The following XPO7 variants were observed in gnomAD, a reference collection of about 807,000 sequenced individuals.
XPO7 encodes exportin-7.
In XPO7, 21 loss-of-function variants were observed where a neutral mutation model predicts 144.3. That is an observed-to-expected ratio of 0.15 (90% CI 0.10 to 0.21). The LOEUF is 0.21. Among genes scored for constraint, XPO7 ranks in the 10% least tolerant of loss-of-function variants. The probability of loss-of-function intolerance (pLI) is 1.00; values close to 1 mark genes in which losing one functional copy is unlikely to be tolerated. For synonymous variants in XPO7, 580 were observed against 499.6 expected (o/e 1.16, Z -2.15); for missense variants, 808 against 1,325.8 (o/e 0.61, Z 6.06).
Position 21,981,740 on chromosome 8 carries a change from G to A in XPO7, c.967G>A (p.Asp323Asn). The change falls in exon 10 of 28, where the codon GAC becomes AAC. Residue 323 changes from aspartate (D) to asparagine (N), a missense_variant. Asp to Asn is a conservative substitution (Grantham distance 23). Around this residue, in one of 5 missense-constraint regions of XPO7, gnomAD observed 223 missense variants for 368.8 expected, o/e 0.60. Transcript: ENST00000252512. ...CCTCTGCTACTGCCAGAGTTTATCA[G>A]ACCCAAACAATTACCATGAGTTTTG... ...RILENPQSLS[D>N]PNNYHEFCRL... The A allele has an allele frequency of 6.2e-7, 1 of 1,613,762 alleles. No individual in the cohort carries two copies. The highest frequency in any genetic ancestry group is 8.5e-7 in the Non-Finnish European group (1 of 1,179,778).
chr8:21,999,472 C>G lies in XPO7; in HGVS notation c.2644-64C>G, dbSNP rs367734055. Reference sequence around the variant, plus strand: ...TAAAAGGAGCTAAGCTATTTAAGATCGTCTCCCTGCATGCTGGAGTGCATA... The same window carrying G: ...TAAAAGGAGCTAAGCTATTTAAGATGGTCTCCCTGCATGCTGGAGTGCATA... On this transcript the variant is annotated intron_variant, in intron 23 of 27. Transcript: ENST00000252512. 5 of 1,599,996 alleles carry G rather than the reference C, an allele frequency of 3.1e-6. No individual in the cohort carries two copies. In the South Asian group the frequency reaches 3.3e-5, roughly 11 times the overall value.
rs1486667904 is a variant in XPO7 at position 21,982,736 on chromosome 8, A to G, written c.1201A>G (p.Met401Val). Residue 401 changes from methionine (M) to valine (V), a missense_variant, in exon 11 of 28, where the codon ATG becomes GTG. Met to Val is a conservative substitution (Grantham distance 21). Around this residue, in one of 5 missense-constraint regions of XPO7, gnomAD observed 416 missense variants for 612.5 expected, o/e 0.68. Coordinates refer to ENST00000252512, the MANE Select transcript of XPO7 (RefSeq NM_015024.5). ...GTATGTCAAAGCCACAGAGCCCCAC[A>G]TGCTGGAAACTTACACTCCTGAGGT... ...VPYVKATEPH[M>V]LETYTPEVTK... 6.2e-7 allele frequency: 1 copy of G among 1,613,974 alleles called. No individual in the cohort carries two copies. Among genetic ancestry groups the G allele is most frequent in the Non-Finnish European group, 8.5e-7 (1 of 1,179,876 alleles).
intron 6 of XPO7, among the ~76,000 whole-genome samples, chr8:21,975,774 CG>C (rs777478048): frequency 2.0e-5 from 3 of 152,170 alleles, no homozygotes; most frequent in Non-Finnish European, 2.9e-5. Flanking sequence ...CAGCCAGTCA[CG>C]GAGGCTCAGC....
intron 1 of XPO7, among the ~76,000 whole-genome samples, chr8:21,929,247 A>G (rs372313998): frequency 9.9e-5 from 15 of 152,226 alleles, no homozygotes; most frequent in East Asian, 7.7e-4. Context: ...AACCAAAGGG[A>G]TTAGAAGCAA....
chr8:21,929,762 T>G (rs1050101451), intron 1 of XPO7, among the ~76,000 whole-genome samples: 3 of 152,210 alleles, frequency 2.0e-5, no homozygotes, highest in Non-Finnish European at 2.9e-5. Context: ...AGATTGAATT[T>G]AAAGGGTTTT....
At chr8:21,993,438 G>A (rs762958533) in intron 19 of XPO7, among the ~76,000 whole-genome samples, 4 of 152,126 alleles carry the variant, frequency 2.6e-5, no homozygotes, top group African/African-American at 7.2e-5. Context: ...TTTGCCAAAC[G>A]TGTCAAGATC....
intron 1 of XPO7, among the ~76,000 whole-genome samples, chr8:21,948,572 A>T (rs917236333): frequency 2.0e-5 from 3 of 152,204 alleles, no homozygotes; most frequent in African/African-American, 7.2e-5. Context: ...AGGAGTTTTT[A>T]AATGTTTTTA....
At chr8:21,924,503 A>G (rs1413361851) in intron 1 of XPO7, among the ~76,000 whole-genome samples, 1 of 145,086 alleles carries the variant, frequency 6.9e-6, no homozygotes, top group African/African-American at 2.5e-5. Flanking sequence ...ATCTGCTTTT[A>G]GAACTCAAGC....
chr8:21,959,252 G>A (rs1301243303), intron 1 of XPO7, among the ~76,000 whole-genome samples: 2 of 152,180 alleles, frequency 1.3e-5, no homozygotes, highest in Non-Finnish European at 2.9e-5. Context: ...TGCAGATTTT[G>A]TGTGCGCTCA....
At chr8:21,985,719 C>G in intron 13 of XPO7, 28 bp downstream of exon 13, 2 of 1,600,356 alleles carry the variant, frequency 1.2e-6, no homozygotes, top group East Asian at 2.2e-5. Context: ...AAGCTCTCCA[C>G]TCTGCCTTGC....
intron 9 of XPO7, 118 bp downstream of exon 9, chr8:21,980,321 C>A: frequency 1.6e-6 from 2 of 1,259,358 alleles, no homozygotes; most frequent in Non-Finnish European, 1.0e-6. Context: ...TCAGGGAAGA[C>A]TGAAGTGAAT....
At chr8:21,994,307 A>T in intron 19 of XPO7, 56 bp from the exon 20 acceptor site, 3 of 1,343,594 alleles carry the variant, frequency 2.2e-6, no homozygotes, top group Non-Finnish European at 3.2e-6. Flanking sequence ...TCCTCATCAG[A>T]TTGTTACAGT....
At chr8:21,999,056 G>T in intron 22 of XPO7, 35 bp from the exon 23 acceptor site, 1 of 1,611,674 alleles carries the variant, frequency 6.2e-7, no homozygotes, top group Non-Finnish European at 8.5e-7. Flanking sequence ...CGCTTCTAAT[G>T]TGGTTGAATA....
At position 21,982,705 on chromosome 8, in the gene XPO7, T is replaced by C. The variant is rs773205390; in HGVS notation, c.1170T>C (p.Ser390=). 4 of 1,613,644 alleles carry C rather than the reference T, an allele frequency of 2.5e-6. No homozygotes were observed. In the South Asian group the frequency reaches 3.3e-5, roughly 13 times the overall value. ...GCCTGTGGCAGCGGCTGGCAGCCTC[T>C]GTGCCGTATGTCAAAGCCACAGAGC... ...LLSLWQRLAA[S]VPYVKATEPH... The change falls in exon 11 of 28, where the codon TCT becomes TCC. Residue 390 remains serine, a synonymous_variant. Transcript: ENST00000252512.
At position 22,005,093 on chromosome 8, in the gene XPO7, T is replaced by C; in HGVS notation, c.*5T>C. ...AGCAATGACATGATGAGCTGACACC[T>C]CCTTGGACTCTACCTGTACAGAGCA... On this transcript the variant is annotated 3_prime_UTR_variant, in exon 28 of 28. Coordinates refer to ENST00000252512, the MANE Select transcript of XPO7 (RefSeq NM_015024.5). 6.2e-7 allele frequency: 1 copy of C among 1,611,672 alleles called. No homozygotes were observed. The highest frequency in any genetic ancestry group is 8.5e-7 in the Non-Finnish European group (1 of 1,178,366).
At chr8:21,976,680 G>T (rs1157671419) in intron 7 of XPO7, among the ~76,000 whole-genome samples, 159 bp downstream of exon 7, 11 of 152,130 alleles carry the variant, frequency 7.2e-5, no homozygotes, top group Non-Finnish European at 2.9e-5. Context: ...TAAAGACAGG[G>T]TCTCACTCTG....
Position 22,004,715 on chromosome 8 carries a change from T to G in XPO7, c.3171-280T>G, listed in dbSNP as rs535402537. ...TGCATTAAGAAATGAGATGGCTTCA[T>G]TGGCTTACTGCCCTCACGTGTGAGG... is the stretch of plus-strand genomic sequence containing the variant. On this transcript the variant is annotated intron_variant, in intron 27 of 27. Transcript: ENST00000252512. Among the ~76,000 whole-genome samples the G allele has an allele frequency of 2.0e-5, 3 of 152,080 alleles. No individual in the cohort carries two copies. The East Asian group carries it at 5.8e-4, about 29-fold the overall frequency.
chr8:21,972,243 C>T (rs574078378), intron 5 of XPO7, among the ~76,000 whole-genome samples: 58 of 151,814 alleles, frequency 3.8e-4, no homozygotes, highest in African/African-American at 1.2e-3. Flanking sequence ...TTTGGGAGGC[C>T]GAGGCAGGCG....
chr8:21,922,288 A>G (rs1246892663), intron 1 of XPO7, among the ~76,000 whole-genome samples: 1 of 151,712 alleles, frequency 6.6e-6, no homozygotes, highest in Non-Finnish European at 1.5e-5. Context: ...TATTTTATGG[A>G]CGATTTTAAG....
Sources: allele counts gnomAD v4.1 joint callset (sites outside exome capture counted in the v4.1 genomes callset), GRCh38; gene constraint gnomAD v4.1.1; regional missense constraint gnomAD v4.1.1; transcripts MANE v1.5; gene names NCBI Gene and HGNC (gene_info 2026-07-23, HGNC 2026-07-21).